Variants in NHS observed in about 807,000 individuals in gnomAD.
NHS encodes the protein NHS actin remodeling regulator, also known as actin remodeling regulator NHS.
A neutral mutation model predicts 72.5 loss-of-function variants in NHS; 5 were observed. That is an observed-to-expected ratio of 0.07 (90% CI 0.04 to 0.14). The LOEUF (loss-of-function observed/expected upper bound fraction) is 0.14. Among genes scored for constraint, NHS ranks in the 10% least tolerant of loss-of-function variants. The pLI is 1.00. For missense variants in NHS, 1,072 were observed against 1,355.7 expected (o/e 0.79, Z 3.29); for synonymous variants, 464 against 547.7 (o/e 0.85, Z 2.13).
chrX:17,519,603 G>A (rs2065137747), intron 1 of NHS, among the ~76,000 whole-genome samples: 1 of 111,571 alleles, frequency 9.0e-6, no homozygotes, highest in Non-Finnish European at 1.9e-5. Context: ...CGGATGTTCC[G>A]GAGTGTGTTT....
intron 1 of NHS, among the ~76,000 whole-genome samples, chrX:17,624,517 C>T (rs1232246573): frequency 1.8e-5 from 2 of 112,824 alleles, no homozygotes; most frequent in Admixed American, 9.3e-5. Context: ...ATTAGATTTA[C>T]CTGATTTCTA....
At chrX:17,656,169 G>C (rs1316179696) in intron 1 of NHS, among the ~76,000 whole-genome samples, 1 of 113,212 alleles carries the variant, frequency 8.8e-6, no homozygotes, top group East Asian at 2.8e-4. Context: ...CCGCATTCCC[G>C]GGGAGCCGGC....
At chrX:17,610,437 C>G in intron 1 of NHS, among the ~76,000 whole-genome samples, 1 of 112,259 alleles carries the variant, frequency 8.9e-6, no homozygotes. Flanking sequence ...GCACTTTGCT[C>G]TCATTATAAG....
chrX:17,641,067 T>C (rs1410795550), intron 1 of NHS, among the ~76,000 whole-genome samples: 3 of 112,666 alleles, frequency 2.7e-5, no homozygotes, highest in African/African-American at 9.7e-5. Flanking sequence ...TAGGCTTTTA[T>C]TTTTGCCCTT....
chrX:17,458,551 G>C (rs2064834289), intron 1 of NHS, among the ~76,000 whole-genome samples: 1 of 110,978 alleles, frequency 9.0e-6, no homozygotes, highest in South Asian at 3.9e-4. Flanking sequence ...GGAGAGCAGT[G>C]GCTTGATATC....
At chrX:17,626,515 A>G (rs1601806914) in intron 1 of NHS, among the ~76,000 whole-genome samples, 1 of 112,112 alleles carries the variant, frequency 8.9e-6, no homozygotes, top group South Asian at 3.7e-4. Flanking sequence ...CTGGTTGGAC[A>G]TGGCAGAAAC....
In NHS at chrX:17,687,844, T is replaced by C; in HGVS notation, c.668T>C (p.Val223Ala). 1 of 1,212,131 alleles carries C rather than the reference T, an allele frequency of 8.2e-7. No homozygotes were observed. Among genetic ancestry groups the C allele is most frequent in the East Asian group, 3.0e-5 (1 of 33,817 alleles). The change falls in exon 2 of 9, where the codon GTG (valine) becomes GCG (alanine). Residue 223 changes from valine (V) to alanine (A), a missense_variant. Val to Ala is a moderately conservative substitution (Grantham distance 64). Coordinates refer to ENST00000676302, the MANE Select transcript of NHS (RefSeq NM_001291867.2). Reference protein sequence around the residue: ...IFLPATRPPCVEELHRHARQS... With the variant: ...IFLPATRPPCAEELHRHARQS... ...CTCCCAGCCACAAGGCCACCCTGCG[T>C]GGAGGAGCTGCACCGCCACGCCCGG...
intron 5 of NHS, among the ~76,000 whole-genome samples, chrX:17,723,745 G>GTGTGTGTGTGTGTGTGTA (rs1569318263): frequency 7.5e-5 from 7 of 93,258 alleles, no homozygotes; most frequent in African/African-American, 3.4e-4. Flanking sequence ...GTGTGTGTGT[G>GTGTGTGTGTGTGTGTGTA]TGTGTGTGTG....
In NHS at chrX:17,554,233, A is replaced by G. The variant is rs759491020; in HGVS notation, c.566-133509A>G. Among the ~76,000 whole-genome samples, 9 of 112,393 alleles carry G rather than the reference A, an allele frequency of 8.0e-5. No homozygotes were observed. In the South Asian group the frequency reaches 3.0e-3, roughly 37 times the overall value. On this transcript the variant is annotated intron_variant, in intron 1 of 8. Transcript: ENST00000676302. Reference sequence around the variant, plus strand: ...ACTGTTGACCCAGGAGCCTTGCTGTAGACTTGGTGAGCTGCTCCAGACCCT... The same window carrying G: ...ACTGTTGACCCAGGAGCCTTGCTGTGGACTTGGTGAGCTGCTCCAGACCCT...
intron 1 of NHS, among the ~76,000 whole-genome samples, chrX:17,568,492 T>G (rs982212002): frequency 2.7e-5 from 3 of 109,934 alleles, no homozygotes; most frequent in Non-Finnish European, 5.7e-5. Flanking sequence ...TCTTTAGCAG[T>G]ATGTGCTGGG....
chrX:17,561,619 C>CAT (rs1168879911), intron 1 of NHS, among the ~76,000 whole-genome samples: 7 of 98,931 alleles, frequency 7.1e-5, no homozygotes, highest in Non-Finnish European at 1.5e-4. Flanking sequence ...CACACACACA[C>CAT]ATCATGCCTT....
intron 1 of NHS, among the ~76,000 whole-genome samples, chrX:17,651,927 A>G (rs1045876475): frequency 8.9e-6 from 1 of 112,987 alleles, no homozygotes; most frequent in Non-Finnish European, 1.9e-5. Flanking sequence ...GTTAAAGGAA[A>G]TAGTTATTTC....
At chrX:17,522,948 C>T (rs2065157401) in intron 1 of NHS, among the ~76,000 whole-genome samples, 1 of 111,356 alleles carries the variant, frequency 9.0e-6, no homozygotes, top group Admixed American at 9.5e-5. Context: ...GTCAGGTTTG[C>T]ACTGGTGTAT....
At chrX:17,486,374 C>T (rs1399224409) in intron 1 of NHS, among the ~76,000 whole-genome samples, 1 of 112,247 alleles carries the variant, frequency 8.9e-6, no homozygotes, top group Non-Finnish European at 1.9e-5. Flanking sequence ...TGGCAAGTAT[C>T]TATTGTCATG....
At chrX:17,668,816 G>A (rs1417411074) in intron 1 of NHS, among the ~76,000 whole-genome samples, 2 of 111,352 alleles carry the variant, frequency 1.8e-5, no homozygotes. Context: ...CACCGTGTGG[G>A]TAGCTGTGCC....
intron 3 of NHS, among the ~76,000 whole-genome samples, chrX:17,710,423 T>C (rs1362123896): frequency 8.9e-6 from 1 of 112,495 alleles, no homozygotes; most frequent in East Asian, 2.8e-4. Context: ...GTTCAAAATA[T>C]AGGCAGACAA....
chrX:17,510,614 A>AGTG (rs1375298450), intron 1 of NHS, among the ~76,000 whole-genome samples: 1 of 111,680 alleles, frequency 9.0e-6, no homozygotes, highest in Non-Finnish European at 1.9e-5. Flanking sequence ...TTATAAATCG[A>AGTG]GTGGTGAGGC....
In NHS at chrX:17,489,244, A is replaced by G. The variant is rs1330084069; in HGVS notation, c.565+112922A>G. The stretch of plus-strand genomic sequence containing the variant: ...CTTTGCTATTGTGAACAGTGTGGCT[A>G]TAAATGTACATGTGCATGTGTCTTT... On this transcript the variant is annotated intron_variant, in intron 1 of 8. Coordinates refer to ENST00000676302, the MANE Select transcript of NHS (RefSeq NM_001291867.2). Among the ~76,000 whole-genome samples, 3 of 112,102 alleles carry G rather than the reference A, an allele frequency of 2.7e-5. No homozygotes were observed. The East Asian group carries it at 8.4e-4, about 31-fold the overall frequency.
chrX:17,608,064 G>A (rs1358066112), intron 1 of NHS, among the ~76,000 whole-genome samples: 1 of 108,171 alleles, frequency 9.2e-6, no homozygotes, highest in Admixed American at 1.0e-4. Flanking sequence ...CTACAGGCAC[G>A]CTACCATGCC....
Sources: allele counts gnomAD v4.1 joint callset (sites outside exome capture counted in the v4.1 genomes callset), GRCh38; gene constraint gnomAD v4.1.1; transcripts MANE v1.5; gene names NCBI Gene and HGNC (gene_info 2026-07-23, HGNC 2026-07-21).